Variants in HYDIN observed in about 807,000 individuals in gnomAD.
HYDIN encodes the protein HYDIN axonemal central pair apparatus protein.
In HYDIN, 132 loss-of-function variants were observed where a neutral mutation model predicts 403.9. That is an observed-to-expected ratio of 0.33 (90% CI 0.28 to 0.38). HYDIN has a LOEUF of 0.38. HYDIN is among the 10% of genes least tolerant of loss of function. HYDIN has a pLI of 1.00. For missense variants in HYDIN, 2,827 were observed against 5,009.5 expected (o/e 0.56, Z 13.15); for synonymous variants, 1,202 against 1,891.7 (o/e 0.64, Z 9.46).
Position 70,894,511 on chromosome 16 carries a change from G to A in HYDIN, c.9186C>T (p.Val3062=), listed in dbSNP as rs8063609. The A allele has an allele frequency of 4.9e-3, 7,852 of 1,598,976 alleles. 307 individuals are homozygous for A. In the African/African-American group the frequency reaches 0.088, roughly 18 times the overall value. Residue 3062 remains valine, a synonymous_variant, in exon 55 of 86, where the codon GTC becomes GTT. Transcript: ENST00000393567. The part of the protein sequence containing the change: ...EGGLDFGIVR[V]TEEAKQPLQL... ...GCAGGGGCTGCTTCGCCTCCTCTGT[G>A]ACCCTGACAATCCCAAAATCCAGTC...
At chr16:70,838,116 C>A (rs1218365769) in intron 76 of HYDIN, among the ~76,000 whole-genome samples, 2 of 152,128 alleles carry the variant, frequency 1.3e-5, no homozygotes, top group Non-Finnish European at 2.9e-5. Context: ...CCTGGCTGAA[C>A]TGGGTTTCAA....
At chr16:71,041,548 G>A (rs1269934107) in intron 18 of HYDIN, among the ~76,000 whole-genome samples, 4 of 151,688 alleles carry the variant, frequency 2.6e-5, no homozygotes, top group Non-Finnish European at 5.9e-5. Flanking sequence ...ATCTGTAGAC[G>A]AATATTCCTT....
intron 1 of HYDIN, among the ~76,000 whole-genome samples, chr16:71,211,638 T>A: frequency 9.4e-6 from 1 of 105,908 alleles, no homozygotes; most frequent in Admixed American, 1.1e-4. Context: ...TGAGACTCCA[T>A]CTCAAAAAAA....
intron 19 of HYDIN, chr16:71,031,441 A>C (rs2080906181): frequency 2.2e-6 from 3 of 1,349,920 alleles, no homozygotes; most frequent in African/African-American, 1.5e-5. Context: ...TTTCCTACAA[A>C]CCATATTCTT....
intron 10 of HYDIN, among the ~76,000 whole-genome samples, chr16:71,100,028 CAA>C (rs1395796597): frequency 5.3e-5 from 8 of 151,872 alleles, no homozygotes; most frequent in African/African-American, 1.9e-4. Context: ...ATAAAATAAA[CAA>C]GAGAGTAAGA....
chr16:71,005,536 A>G (rs2079865997), intron 23 of HYDIN, among the ~76,000 whole-genome samples: 1 of 152,130 alleles, frequency 6.6e-6, no homozygotes, highest in Non-Finnish European at 1.5e-5. Flanking sequence ...TGAGAAATAA[A>G]TATCTCTTGT....
At chr16:71,179,090 C>CA in intron 3 of HYDIN, 43 bp from the exon 4 acceptor site, 1 of 1,527,494 alleles carries the variant, frequency 6.5e-7, no homozygotes, top group Non-Finnish European at 9.0e-7. Context: ...CACACATTGA[C>CA]AAAAATGACT....
intron 10 of HYDIN, among the ~76,000 whole-genome samples, chr16:71,107,314 T>A: frequency 6.9e-6 from 1 of 144,668 alleles, no homozygotes; most frequent in African/African-American, 2.6e-5. Flanking sequence ...ACAAGTAAAA[T>A]TAAATTAAAA....
intron 45 of HYDIN, among the ~76,000 whole-genome samples, chr16:70,921,762 A>G (rs1417150746): frequency 6.6e-6 from 1 of 152,234 alleles, no homozygotes; most frequent in Admixed American, 6.5e-5. Flanking sequence ...CTTTTCAGTT[A>G]TTAAAACCAC....
intron 79 of HYDIN, among the ~76,000 whole-genome samples, chr16:70,833,509 G>C (rs551571054): frequency 2.5e-4 from 33 of 134,384 alleles, no homozygotes; most frequent in Non-Finnish European, 4.4e-4. Flanking sequence ...TCCCGTGAGA[G>C]TTGCCTCTGT....
chr16:70,859,288 A>G (rs9934662), intron 71 of HYDIN, among the ~76,000 whole-genome samples: 2 of 151,802 alleles, frequency 1.3e-5, no homozygotes, highest in African/African-American at 2.4e-5. Context: ...GGGACAGAGC[A>G]AGACTCTGTC....
At chr16:71,008,367 C>T (rs1434722807) in intron 23 of HYDIN, among the ~76,000 whole-genome samples, 11 of 152,214 alleles carry the variant, frequency 7.2e-5, no homozygotes, top group African/African-American at 1.4e-4. Flanking sequence ...CCCCTAAAAG[C>T]GGGTATTCAT....
intron 73 of HYDIN, among the ~76,000 whole-genome samples, chr16:70,853,162 C>G (rs1265119590): frequency 6.6e-6 from 1 of 152,116 alleles, no homozygotes. Flanking sequence ...GCCTGGGCAA[C>G]AGAGCGAGAC....
intron 47 of HYDIN, among the ~76,000 whole-genome samples, chr16:70,916,750 C>G (rs1307371207): frequency 6.6e-6 from 1 of 152,128 alleles, no homozygotes; most frequent in Non-Finnish European, 1.5e-5. Context: ...TTAGAGAGAC[C>G]AGATTTGTGT....
chr16:71,010,907 C>A (rs1312297180), intron 23 of HYDIN, among the ~76,000 whole-genome samples: 2 of 152,224 alleles, frequency 1.3e-5, no homozygotes, highest in Non-Finnish European at 2.9e-5. Flanking sequence ...GGAGGGGAGG[C>A]CTGCCTGGCC....
At chr16:70,942,111 G>T (rs1448469912) in intron 42 of HYDIN, among the ~76,000 whole-genome samples, 1 of 139,572 alleles carries the variant, frequency 7.2e-6, no homozygotes, top group Admixed American at 8.0e-5. Context: ...TGCAACCTCT[G>T]TCTCCCGGGT....
intron 18 of HYDIN, among the ~76,000 whole-genome samples, chr16:71,039,886 A>G (rs1384211451): frequency 6.6e-6 from 1 of 152,216 alleles, no homozygotes; most frequent in African/African-American, 2.4e-5. Flanking sequence ...GGCAGAGGGC[A>G]GCTGCCCCAT....
chr16:70,808,090 C>A, intron 85 of HYDIN, 28 bp from the exon 86 acceptor site: 1 of 1,573,304 alleles, frequency 6.4e-7, no homozygotes, highest in Non-Finnish European at 8.6e-7. Flanking sequence ...AAACTCAGCT[C>A]ACGTGAGATC....
rs1236880474 is a variant in HYDIN at position 70,805,497 on chromosome 16, G to C, written c.*2083C>G. ...TCACCAAGAACTGGTTAGAAATGCAGATTCTCAAGCCCCACCCAAATCTCC... is the reference window on the plus strand; with the variant it reads ...TCACCAAGAACTGGTTAGAAATGCACATTCTCAAGCCCCACCCAAATCTCC... On this transcript the variant is annotated 3_prime_UTR_variant, in exon 86 of 86. Coordinates refer to ENST00000393567, the MANE Select transcript of HYDIN (RefSeq NM_001270974.2). 2.0e-5 allele frequency among the ~76,000 whole-genome samples: 3 copies of C among 152,212 alleles called. No homozygotes were observed. The highest frequency in any genetic ancestry group is 7.2e-5 in the African/African-American group (3 of 41,452).
Sources: allele counts gnomAD v4.1 joint callset (sites outside exome capture counted in the v4.1 genomes callset), GRCh38; gene constraint gnomAD v4.1.1; transcripts MANE v1.5; gene names NCBI Gene and HGNC (gene_info 2026-07-23, HGNC 2026-07-21).